The following ANO2 variants were observed in gnomAD, a reference collection of about 807,000 sequenced individuals.
ANO2 encodes anoctamin-2.
In ANO2, 101 loss-of-function variants were observed where a neutral mutation model predicts 124.2. The observed-to-expected ratio is 0.81, with a 90% CI of 0.69 to 0.96. The LOEUF (loss-of-function observed/expected upper bound fraction) is 0.96. ANO2 is among the 40% of genes least tolerant of loss of function. The pLI is 0.00. For synonymous variants in ANO2, 486 were observed against 482.5 expected (o/e 1.01, Z -0.09); for missense variants, 1,293 against 1,274.5 (o/e 1.01, Z -0.22).
At chr12:5,809,595 C>T (rs776183333) in intron 7 of ANO2, among the ~76,000 whole-genome samples, 14 of 152,170 alleles carry the variant, frequency 9.2e-5, no homozygotes, top group Non-Finnish European at 1.9e-4. Flanking sequence ...ACCATTAGAC[C>T]GACAACCTGA....
intron 1 of ANO2, among the ~76,000 whole-genome samples, chr12:5,932,643 T>C (rs1464954210): frequency 6.8e-6 from 1 of 146,042 alleles, no homozygotes; most frequent in African/African-American, 2.5e-5. Context: ...GAAGGAAGAC[T>C]GGTAAGAAAG....
chr12:5,854,398 CAAAAA>C (rs56030072), intron 3 of ANO2, among the ~76,000 whole-genome samples: 1 of 76,118 alleles, frequency 1.3e-5, no homozygotes, highest in African/African-American at 5.9e-5. Context: ...AGCTTCAGAG[CAAAAA>C]AAAAAAAAAA....
intron 22 of ANO2, 32 bp from the exon 23 acceptor site, chr12:5,576,047 CAGGAT>C: frequency 6.4e-7 from 1 of 1,559,790 alleles, no homozygotes; most frequent in Non-Finnish European, 8.7e-7. Context: ...ACTGAGTAGC[CAGGAT>C]TGATGCTAAA....
intron 4 of ANO2, chr12:5,852,103 A>T: frequency 1.5e-6 from 1 of 657,692 alleles, no homozygotes; most frequent in Non-Finnish European, 2.7e-6. Flanking sequence ...AAGAAAGAGG[A>T]GATAGGGTTG....
chr12:5,917,387 A>G (rs1332770300), intron 3 of ANO2, among the ~76,000 whole-genome samples: 1 of 152,138 alleles, frequency 6.6e-6, no homozygotes, highest in African/African-American at 2.4e-5. Context: ...TCACTGTTGA[A>G]CTGAAACTCA....
At chr12:5,733,044 A>C in intron 13 of ANO2, 2 of 736,694 alleles carry the variant, frequency 2.7e-6, no homozygotes, top group Non-Finnish European at 4.7e-6. Context: ...CAACAAGCCA[A>C]CTCCCAGCTG....
In ANO2 at chr12:5,638,618, G is replaced by A. The variant is rs148133782; in HGVS notation, c.1621-3271C>T. Among the ~76,000 whole-genome samples the A allele has an allele frequency of 3.0e-3, 458 of 151,632 alleles. 1 individual carries two copies. The highest frequency in any genetic ancestry group is 0.01 in the Middle Eastern group (3 of 294). ...ACCCACTGCACTGGGTATATTCCAT[G>A]TTTGTGGTCAATCTCTTCCAACTAG... On this transcript the variant is annotated intron_variant, in intron 15 of 24. Coordinates refer to ENST00000682330, the MANE Select transcript of ANO2 (RefSeq NM_001364791.2).
intron 9 of ANO2, among the ~76,000 whole-genome samples, chr12:5,805,426 A>G (rs551618456): frequency 2.0e-5 from 3 of 152,210 alleles, no homozygotes. Context: ...AGGTGGGGCC[A>G]TTTTCCTTCC....
At chr12:5,854,398 C>CAAAAAAA (rs56030072) in intron 3 of ANO2, among the ~76,000 whole-genome samples, 16 of 75,952 alleles carry the variant, frequency 2.1e-4, no homozygotes, top group South Asian at 6.3e-4. Flanking sequence ...AGCTTCAGAG[C>CAAAAAAA]AAAAAAAAAA....
chr12:5,671,241 A>G (rs1947987037), intron 14 of ANO2, among the ~76,000 whole-genome samples: 1 of 152,070 alleles, frequency 6.6e-6, no homozygotes, highest in Non-Finnish European at 1.5e-5. Flanking sequence ...CACTATCATC[A>G]TCTGTGGACA....
intron 14 of ANO2, among the ~76,000 whole-genome samples, chr12:5,719,002 T>C (rs767241862): frequency 1.3e-5 from 2 of 152,204 alleles, no homozygotes; most frequent in Non-Finnish European, 2.9e-5. Flanking sequence ...TTATTTAGCT[T>C]GTCAGCCCTT....
rs931319672 is a variant in ANO2 at position 5,849,787 on chromosome 12, C to G, written c.633+4256G>C. 2.0e-5 allele frequency among the ~76,000 whole-genome samples: 3 copies of G among 152,164 alleles called. No individual in the cohort carries two copies. The East Asian group carries it at 5.8e-4, about 29-fold the overall frequency. ...CCTCCACTGCCTGGAGGATGCTTAA[C>G]TGATCCCGCGCCATGCCTCATTCTT... On this transcript the variant is annotated intron_variant, in intron 4 of 24. Transcript: ENST00000682330.
intron 14 of ANO2, among the ~76,000 whole-genome samples, chr12:5,665,158 G>A (rs61908096): frequency 0.6 from 89,826 of 150,918 alleles, 27,972 homozygotes; most frequent in East Asian, 0.96. Flanking sequence ...TCTGCAAAGC[G>A]CAGAGGGTGC....
At chr12:5,853,960 C>T (rs1955007776) in intron 4 of ANO2, 83 bp downstream of exon 4, 1 of 947,626 alleles carries the variant, frequency 1.1e-6, no homozygotes, top group East Asian at 4.0e-5. Flanking sequence ...ACAAAACCCA[C>T]ATCCCACCTG....
At chr12:5,901,104 G>A (rs1185421913) in intron 3 of ANO2, among the ~76,000 whole-genome samples, 7 of 152,164 alleles carry the variant, frequency 4.6e-5, no homozygotes, top group Non-Finnish European at 7.3e-5. Context: ...AGGCTGCAGC[G>A]GTGGCTGCAA....
chr12:5,706,979 G>C (rs117827897), intron 14 of ANO2, among the ~76,000 whole-genome samples: 2,550 of 152,096 alleles, frequency 0.017, 32 homozygotes, highest in Non-Finnish European at 0.026. Flanking sequence ...GGTGACCTTG[G>C]GACAATGACA....
intron 10 of ANO2, among the ~76,000 whole-genome samples, chr12:5,752,500 T>C (rs186913191): frequency 1.6e-4 from 25 of 152,228 alleles, no homozygotes; most frequent in Admixed American, 2.6e-4. Context: ...GTCATTTGTA[T>C]GTCTTCTTTG....
chr12:5,759,955 A>G (rs916199798), intron 10 of ANO2, among the ~76,000 whole-genome samples: 1 of 149,486 alleles, frequency 6.7e-6, no homozygotes, highest in Non-Finnish European at 1.5e-5. Context: ...CTCAGTAGAA[A>G]TTTGGATCTA....
intron 14 of ANO2, among the ~76,000 whole-genome samples, chr12:5,709,014 C>T (rs1193031600): frequency 6.6e-6 from 1 of 152,250 alleles, no homozygotes. Context: ...TTCGCATCCA[C>T]AGCTGCTAGC....
Sources: gnomAD v4.1 joint callset for allele counts (sites outside exome capture counted in the v4.1 genomes callset) on GRCh38, gnomAD v4.1.1 for gene constraint, MANE v1.5 for transcripts, NCBI Gene and HGNC (gene_info 2026-07-23, HGNC 2026-07-21) for gene names.